Variants in PUM1 observed in about 807,000 individuals in gnomAD.
PUM1 encodes pumilio homolog 1.
Under a neutral mutation model 131.8 loss-of-function variants are expected in PUM1, and 13 were observed. That is an observed-to-expected ratio of 0.10 (90% CI 0.06 to 0.16). The LOEUF is 0.16. Ranked by LOEUF, PUM1 falls within the 10% of genes least tolerant of loss-of-function variation. The pLI, the probability that PUM1 is intolerant of heterozygous loss-of-function variation, is 1.00. For missense variants in PUM1, 961 were observed against 1,512.4 expected (o/e 0.64, Z 6.05); for synonymous variants, 509 against 556.5 (o/e 0.91, Z 1.20).
rs58848270 is a variant in PUM1 at position 30,942,191 on chromosome 1, TTATATATATATATATATATATATATATA to T, written c.2995-96_2995-69del. On this transcript the variant is annotated intron_variant, in intron 18 of 21. Coordinates refer to ENST00000426105, the MANE Select transcript of PUM1 (RefSeq NM_001020658.2). ...ACCACCTTCAATGCTTCAGTATTGT[TTATATATATATATATATATATATATATA>T]TATATATATATATATATGTATTATC... 7.4e-4 allele frequency: 108 copies of T among 145,270 alleles called. 15 individuals are homozygous for T. Among genetic ancestry groups the T allele is most frequent in the East Asian group, 2.5e-3 (17 of 6,840 alleles). 9.0% of individuals were successfully genotyped at this position (145,270 alleles called of 1,614,324 possible). A position where few individuals can be genotyped will look rare whatever the true frequency, so the allele number is the denominator to read the frequency against.
At chr1:30,968,012 T>C (rs1159800553) in intron 11 of PUM1, among the ~76,000 whole-genome samples, 1 of 152,158 alleles carries the variant, frequency 6.6e-6, no homozygotes, top group Non-Finnish European at 1.5e-5. Flanking sequence ...AATCATGCTG[T>C]TCAAAAACAT....
chr1:31,065,530 C>T, intron 1 of PUM1, 86 bp downstream of exon 1: 1 of 1,457,142 alleles, frequency 6.9e-7, no homozygotes, highest in Non-Finnish European at 9.1e-7. Flanking sequence ...ACCCCCACAA[C>T]CACTCTCAAA....
intron 2 of PUM1, among the ~76,000 whole-genome samples, chr1:31,029,671 T>TG (rs1190387346): frequency 6.6e-6 from 1 of 152,186 alleles, no homozygotes; most frequent in Non-Finnish European, 1.5e-5. Context: ...CACCTACCCC[T>TG]GGGCAAGGGA....
chr1:31,048,137 G>T (rs1644014229), intron 2 of PUM1, among the ~76,000 whole-genome samples: 1 of 151,694 alleles, frequency 6.6e-6, no homozygotes, highest in Non-Finnish European at 1.5e-5. Flanking sequence ...TACTCGGGAG[G>T]CTGAGGCAGG....
At chr1:30,953,623 G>T in intron 15 of PUM1, 91 bp downstream of exon 15, 1 of 1,379,682 alleles carries the variant, frequency 7.2e-7, no homozygotes, top group South Asian at 1.3e-5. Context: ...ATTACTATAT[G>T]GCAATTTATT....
intron 7 of PUM1, among the ~76,000 whole-genome samples, chr1:30,988,673 G>A (rs981800349): frequency 1.6e-4 from 24 of 152,186 alleles, no homozygotes; most frequent in East Asian, 7.7e-4. Context: ...CAAGGCCTCC[G>A]GGACTCAATT....
intron 7 of PUM1, among the ~76,000 whole-genome samples, chr1:30,983,167 T>G (rs74063606): frequency 0.016 from 2,464 of 152,340 alleles, 72 homozygotes; most frequent in African/African-American, 0.055. Context: ...ACTAAAGATG[T>G]GTCTCACACA....
At chr1:31,061,375 T>C (rs1283108187) in intron 1 of PUM1, among the ~76,000 whole-genome samples, 2 of 152,214 alleles carry the variant, frequency 1.3e-5, no homozygotes, top group East Asian at 3.9e-4. Flanking sequence ...CCCAGCACTT[T>C]GGGAGGCCGA....
intron 14 of PUM1, among the ~76,000 whole-genome samples, chr1:30,959,714 T>C (rs1268604912): frequency 2.6e-5 from 4 of 152,216 alleles, no homozygotes; most frequent in East Asian, 1.9e-4. Context: ...GAGACCATCC[T>C]GGCTGACACT....
At chr1:31,034,469 G>A (rs1485265092) in intron 2 of PUM1, among the ~76,000 whole-genome samples, 1 of 152,098 alleles carries the variant, frequency 6.6e-6, no homozygotes, top group African/African-American at 2.4e-5. Context: ...GTGAAATCCC[G>A]TCTCTACCAA....
chr1:31,060,451 ACT>A (rs982894376), intron 1 of PUM1, among the ~76,000 whole-genome samples: 5 of 151,844 alleles, frequency 3.3e-5, no homozygotes, highest in African/African-American at 4.8e-5. Flanking sequence ...ACAGAGCGAG[ACT>A]CTCTCTCAAA....
At chr1:30,988,121 C>T (rs960980685) in intron 7 of PUM1, among the ~76,000 whole-genome samples, 3 of 152,140 alleles carry the variant, frequency 2.0e-5, no homozygotes, top group Non-Finnish European at 4.4e-5. Context: ...ACATGGTTCA[C>T]TTATTAAGAA....
chr1:30,960,124 C>T (rs1640344512), intron 14 of PUM1, among the ~76,000 whole-genome samples: 1 of 152,192 alleles, frequency 6.6e-6, no homozygotes, highest in South Asian at 2.1e-4. Context: ...GCTCTTATTT[C>T]TTCCATTTAA....
At chr1:30,991,089 C>T (rs1330504404) in intron 7 of PUM1, among the ~76,000 whole-genome samples, 1 of 151,338 alleles carries the variant, frequency 6.6e-6, no homozygotes, top group African/African-American at 2.4e-5. Context: ...AAGAGAGAAC[C>T]ATATATTTTT....
intron 15 of PUM1, among the ~76,000 whole-genome samples, chr1:30,953,270 A>T (rs542210690): frequency 4.7e-4 from 72 of 152,242 alleles, no homozygotes; most frequent in Non-Finnish European, 9.1e-4. Flanking sequence ...CACCATAATT[A>T]TGCTCTATCC....
At position 30,991,389 on chromosome 1, in the gene PUM1, TA is replaced by T. The variant is rs1033380839; in HGVS notation, c.1158+1000del. On this transcript the variant is annotated intron_variant, in intron 7 of 21. Coordinates refer to ENST00000426105, the MANE Select transcript of PUM1 (RefSeq NM_001020658.2). Reference sequence around the variant, plus strand: ...TTGTTCATAAACGACACAGGAGACTTAAAGGGAAACTTCATATGTTTAACTT... The same window carrying T: ...TTGTTCATAAACGACACAGGAGACTTAAGGGAAACTTCATATGTTTAACTT... 5.3e-5 allele frequency among the ~76,000 whole-genome samples: 8 copies of T among 152,354 alleles called. No individual in the cohort carries two copies. The East Asian group carries it at 7.7e-4, about 15-fold the overall frequency.
intron 13 of PUM1, 150 bp downstream of exon 13, chr1:30,965,832 A>C (rs1157709920): frequency 5.4e-6 from 4 of 743,868 alleles, no homozygotes; most frequent in Non-Finnish European, 8.4e-6. Flanking sequence ...TGATTTCAAT[A>C]GTCTATCATC....
At chr1:31,030,136 G>A (rs1643371471) in intron 2 of PUM1, among the ~76,000 whole-genome samples, 1 of 151,880 alleles carries the variant, frequency 6.6e-6, no homozygotes, top group Admixed American at 6.6e-5. Context: ...TTGAACCCGG[G>A]AGGCAGAGGT....
intron 18 of PUM1, among the ~76,000 whole-genome samples, chr1:30,945,101 G>C (rs1220399969): frequency 6.6e-6 from 1 of 152,134 alleles, no homozygotes; most frequent in Non-Finnish European, 1.5e-5. Context: ...AGGTGTGGTG[G>C]TATGTGCCTG....
Sources: gnomAD v4.1 joint callset for allele counts (sites outside exome capture counted in the v4.1 genomes callset) on GRCh38, gnomAD v4.1.1 for gene constraint, MANE v1.5 for transcripts, NCBI Gene and HGNC (gene_info 2026-07-23, HGNC 2026-07-21) for gene names.